Variants in STKLD1 observed in about 807,000 individuals in gnomAD.
STKLD1 encodes serine/threonine kinase-like domain-containing protein STKLD1.
STKLD1 carries 79 observed loss-of-function variants against 80.4 expected under a neutral mutation model. That is an observed-to-expected ratio of 0.98 (90% CI 0.82 to 1.19). STKLD1 has a LOEUF of 1.19. Ranked by LOEUF, STKLD1 falls within the 50% of genes most tolerant of loss-of-function variation. STKLD1 has a pLI of 0.00. For synonymous variants in STKLD1, 393 were observed against 357.6 expected, an observed-to-expected ratio of 1.10 and a Z score of -1.12; for missense variants, 841 against 856.0, an observed-to-expected ratio of 0.98 and a Z score of 0.22.
At position 133,389,523 on chromosome 9, in the gene STKLD1, C is replaced by G; in HGVS notation, c.397-3C>G. 1 of 1,613,182 alleles carries G rather than the reference C, an allele frequency of 6.2e-7. No individual in the cohort carries two copies. The highest frequency in any genetic ancestry group is 8.5e-7 in the Non-Finnish European group (1 of 1,179,880). On this transcript the variant is annotated splice_polypyrimidine_tract_variant and splice_region_variant and intron_variant, in intron 5 of 17. Coordinates refer to ENST00000371957, the MANE Select transcript of STKLD1 (RefSeq NM_153710.5). The surrounding 1 kb of genome is among the most constrained non-coding windows in gnomAD (Gnocchi z 6.4). Reference sequence around the variant, plus strand: ...ATCCTGGCACCCCCTACTTCTCCCCCAGTGGATGCAGAATGTGCTGGGCCA... The same window carrying G: ...ATCCTGGCACCCCCTACTTCTCCCCGAGTGGATGCAGAATGTGCTGGGCCA...
intron 16 of STKLD1, 107 bp downstream of exon 16, chr9:133,404,155 A>C: frequency 7.4e-7 from 1 of 1,356,142 alleles, no homozygotes; most frequent in Non-Finnish European, 9.9e-7. Flanking sequence ...GAAGCAACAA[A>C]TCAAAAAGGA....
At position 133,398,027 on chromosome 9, in the gene STKLD1, G is replaced by C; in HGVS notation, c.1053G>C (p.Arg351Ser). ...AAGTCCAGCTCAGGGCCATGAAGAG[G>C]CTTCTGAAAATGCCTGCAGATCAGC... ...WPEVQLRAMK[R>S]LLKMPADQLG... Residue 351 changes from arginine (R) to serine (S), a missense_variant, in exon 11 of 18, where the codon AGG (arginine) becomes AGC (serine). Coordinates refer to ENST00000371957, the MANE Select transcript of STKLD1 (RefSeq NM_153710.5). 1 of 1,613,616 alleles carries C rather than the reference G, an allele frequency of 6.2e-7. No individual in the cohort carries two copies. Among genetic ancestry groups the C allele is most frequent in the Non-Finnish European group, 8.5e-7 (1 of 1,179,896 alleles).
chr9:133,386,211 G>A (rs2130277105), intron 4 of STKLD1, among the ~76,000 whole-genome samples: 9 of 152,186 alleles, frequency 5.9e-5, no homozygotes, highest in Non-Finnish European at 1.2e-4. Flanking sequence ...GAGCCACCAC[G>A]CCTGACCAGG....
In STKLD1 at chr9:133,385,401, G is replaced by A. The variant is rs2130274396; in HGVS notation, c.220-216G>A. Among the ~76,000 whole-genome samples the A allele has an allele frequency of 1.3e-5, 2 of 152,244 alleles. No homozygotes were observed. The highest frequency in any genetic ancestry group is 2.4e-5 in the African/African-American group (1 of 41,530). ...CCCCCATTTTCAGATGACTATATGA[G>A]GCCCAGTCACCCAGCACAGCCAGCT... On this transcript the variant is annotated intron_variant, in intron 3 of 17. Coordinates refer to ENST00000371957, the MANE Select transcript of STKLD1 (RefSeq NM_153710.5). This position sits in a 1 kb window ranked among gnomAD's most constrained non-coding sequence, Gnocchi z 4.9.
chr9:133,396,799 A>G (rs1838575082), intron 9 of STKLD1, among the ~76,000 whole-genome samples: 1 of 152,142 alleles, frequency 6.6e-6, no homozygotes, highest in Non-Finnish European at 1.5e-5. Flanking sequence ...CCCAACATAT[A>G]GCAAGGAATC....
At chr9:133,399,009 C>T (rs140519690) in intron 11 of STKLD1, among the ~76,000 whole-genome samples, 2,314 of 152,212 alleles carry the variant, frequency 0.015, 58 homozygotes, top group African/African-American at 0.047. Flanking sequence ...TGTGCCACCA[C>T]ACCCAGCTAA....
rs782314382 is a variant in STKLD1, at chr9:133,402,996, G to A, written c.1458G>A (p.Trp486Ter). The A allele has an allele frequency of 3.6e-5, 56 of 1,571,974 alleles. No individual in the cohort carries two copies. The highest frequency in any genetic ancestry group is 4.6e-5 in the Non-Finnish European group (53 of 1,158,990). The change falls in exon 14 of 18, where the codon TGG (tryptophan) becomes TGA (stop). Residue 486 changes from tryptophan (W) to a stop codon, truncating the protein, a stop_gained. Coordinates refer to ENST00000371957, the MANE Select transcript of STKLD1 (RefSeq NM_153710.5). LOFTEE classifies it high-confidence loss of function. ...DVCASGLGLL[W>*]ALLLDGIIVN... ...GCGCCAGCGGCCTGGGCCTGCTCTG[G>A]GCCCTCCTGCTGGACGGTGAGGGGC...
chr9:133,390,197 AC>A lies in STKLD1; in HGVS notation c.468-483del. ...AGCCTGGGCAACCCTGACTTAAAAC[AC>A]ACACACACACACACACACACACACA... On this transcript the variant is annotated intron_variant, in intron 6 of 17. Transcript: ENST00000371957. This position sits in a 1 kb window ranked among gnomAD's most constrained non-coding sequence, Gnocchi z 5.1. Among the ~76,000 whole-genome samples, 1 of 364 alleles carries A rather than the reference AC, an allele frequency of 2.7e-3. No individual in the cohort carries two copies. Among genetic ancestry groups the A allele is most frequent in the Non-Finnish European group, 0.038 (1 of 26 alleles). 0.2% of individuals were successfully genotyped at this position (364 alleles called of 152,430 possible).
At chr9:133,381,232 G>T (rs147981995) in intron 2 of STKLD1, among the ~76,000 whole-genome samples, 1 of 135,542 alleles carries the variant, frequency 7.4e-6, no homozygotes, top group Non-Finnish European at 1.5e-5. Context: ...TCTGCCTCCC[G>T]GATTCAAGCG....
chr9:133,405,220 C>T (rs782742680), intron 17 of STKLD1, 32 bp from the exon 18 acceptor site: 5 of 1,567,962 alleles, frequency 3.2e-6, no homozygotes, highest in Non-Finnish European at 4.3e-6. Flanking sequence ...AGGAAGGACT[C>T]TGGCCTCAGG....
chr9:133,403,600 T>G, intron 14 of STKLD1, 100 bp from the exon 15 acceptor site: 3 of 1,447,738 alleles, frequency 2.1e-6, no homozygotes, highest in Non-Finnish European at 2.8e-6. Flanking sequence ...ATTTCTGCTG[T>G]TGTCGTTAGC....
chr9:133,395,882 C>A, intron 9 of STKLD1, 119 bp downstream of exon 9: 3 of 1,004,048 alleles, frequency 3.0e-6, no homozygotes, highest in East Asian at 5.0e-5. Context: ...TCACAGATGC[C>A]CTGATTATCC....
chr9:133,381,326 G>A (rs1341633397), intron 2 of STKLD1, among the ~76,000 whole-genome samples: 11 of 151,342 alleles, frequency 7.3e-5, no homozygotes, highest in African/African-American at 2.4e-4. Flanking sequence ...TTTAGTAGAC[G>A]GGGTTTCTCC....
At chr9:133,403,293 G>GA (rs1016027221) in intron 14 of STKLD1, among the ~76,000 whole-genome samples, 22 of 152,240 alleles carry the variant, frequency 1.4e-4, no homozygotes, top group African/African-American at 5.3e-4. Context: ...CCTGCCCAGG[G>GA]AAATGTCCTG....
At chr9:133,401,919 G>T (rs1554777762) in intron 13 of STKLD1, 41 bp downstream of exon 13, 1 of 1,606,922 alleles carries the variant, frequency 6.2e-7, no homozygotes, top group Non-Finnish European at 8.5e-7. Flanking sequence ...CACGCTCCAG[G>T]ACAGCCCTTC....
In STKLD1 at chr9:133,391,258, G is replaced by A. The variant is rs2130288898; in HGVS notation, c.583+462G>A. ...AGGTGGGGGGGTCAGCCCCCCGCCC[G>A]GCCAGCCGCCCCGTCAGGGAGGGAG... On this transcript the variant is annotated intron_variant, in intron 7 of 17. Coordinates refer to ENST00000371957, the MANE Select transcript of STKLD1 (RefSeq NM_153710.5). 3.7e-3 allele frequency among the ~76,000 whole-genome samples: 548 copies of A among 148,774 alleles called. 16 individuals carry two copies. The highest frequency in any genetic ancestry group is 0.012 in the African/African-American group (475 of 39,572).
In STKLD1 at chr9:133,376,391, C is replaced by A; in HGVS notation, c.-83C>A. Reference sequence around the variant, plus strand: ...GAGTGCCTCGAGGGCGCCGTTCGGGCGGGGAGGATCCCGCGGGTCCCACTG... The same window carrying A: ...GAGTGCCTCGAGGGCGCCGTTCGGGAGGGGAGGATCCCGCGGGTCCCACTG... On this transcript the variant is annotated 5_prime_UTR_variant, in exon 1 of 18. Coordinates refer to ENST00000371957, the MANE Select transcript of STKLD1 (RefSeq NM_153710.5). 3.5e-6 allele frequency: 5 copies of A among 1,440,692 alleles called. No homozygotes were observed. Among genetic ancestry groups the A allele is most frequent in the Non-Finnish European group, 4.6e-6 (5 of 1,091,494 alleles). 89.2% of individuals were successfully genotyped at this position (1,440,692 alleles called of 1,614,324 possible). A position where few individuals can be genotyped will look rare whatever the true frequency, so the allele number is the denominator to read the frequency against.
chr9:133,404,118 C>G, intron 16 of STKLD1, 70 bp downstream of exon 16: 1 of 1,482,882 alleles, frequency 6.7e-7, no homozygotes, highest in Non-Finnish European at 9.0e-7. Flanking sequence ...TCAGTTACAT[C>G]TGCCAGGTGC....
At chr9:133,378,288 A>G (rs2130257131) in intron 1 of STKLD1, among the ~76,000 whole-genome samples, 1 of 152,040 alleles carries the variant, frequency 6.6e-6, no homozygotes, top group Non-Finnish European at 1.5e-5. Flanking sequence ...TTCCATCCTC[A>G]TATCTCCTCC....
Sources: allele counts gnomAD v4.1 joint callset (sites outside exome capture counted in the v4.1 genomes callset), GRCh38; gene constraint gnomAD v4.1.1; non-coding constraint Gnocchi (gnomAD v3.1); transcripts MANE v1.5; gene names NCBI Gene and HGNC (gene_info 2026-07-23, HGNC 2026-07-21).